Variants in PSTK observed in about 807,000 individuals in gnomAD.
PSTK encodes L-seryl-tRNA(Sec) kinase.
Under a neutral mutation model 38.6 loss-of-function variants are expected in PSTK, and 26 were observed. The observed-to-expected ratio is 0.67, with a 90% CI of 0.49 to 0.94. The LOEUF is 0.94. Ranked by LOEUF, PSTK falls within the 40% of genes least tolerant of loss-of-function variation. The pLI, the probability that PSTK is intolerant of heterozygous loss-of-function variation, is 0.00. For synonymous variants in PSTK, 181 were observed against 161.7 expected, an observed-to-expected ratio of 1.12 and a Z score of -0.91; for missense variants, 445 against 436.3, an observed-to-expected ratio of 1.02 and a Z score of -0.18.
Position 122,983,487 on chromosome 10 carries a change from TC to T in PSTK, c.707+20del. 6.2e-7 allele frequency: 1 copy of T among 1,609,408 alleles called. No individual in the cohort carries two copies. On this transcript the variant is annotated intron_variant, in intron 3 of 5. Transcript: ENST00000406217. ...GGAGGCCAGGTATTCCACTCAATCA[TC>T]CCTCCCTGGATGCTCCCCTGTGCCA... is the stretch of plus-strand genomic sequence containing the variant.
At chr10:122,981,246 T>C (rs928529761) in intron 1 of PSTK, among the ~76,000 whole-genome samples, 3 of 152,248 alleles carry the variant, frequency 2.0e-5, no homozygotes, top group African/African-American at 7.2e-5. Context: ...ATCAGACCTA[T>C]GAAGCTTAAT....
intron 4 of PSTK, 97 bp from the exon 5 acceptor site, chr10:122,986,772 T>G: frequency 2.6e-6 from 2 of 774,272 alleles, no homozygotes; most frequent in Non-Finnish European, 4.2e-6. Flanking sequence ...CCGCTTAAAC[T>G]TTTCTTTTAG....
rs74159933 is a variant in PSTK, at chr10:122,982,410, G to A, written c.217-323G>A. 686 of 254,734 alleles carry A rather than the reference G, an allele frequency of 2.7e-3. 3 individuals are homozygous for A. The highest frequency in any genetic ancestry group is 0.014 in the African/African-American group (623 of 45,472). The allele number at this position is 254,734 out of a possible 1,614,324, so 15.8% of individuals were successfully genotyped here. A position where few individuals can be genotyped will look rare whatever the true frequency, so the allele number is the denominator to read the frequency against. ...GGACAGTGATCTAGCAGAGAGAGAA[G>A]TGTAAACAAATGCTTAAACTGTGTA... On this transcript the variant is annotated intron_variant, in intron 1 of 5. Transcript: ENST00000406217.
chr10:122,986,320 T>A lies in PSTK; in HGVS notation c.728T>A (p.Leu243Ter). ...SEASLEVTDL[L>*]LTALENPVKY... ...TGTAGCCTGGAAGTGACTGATTTAT[T>A]GCTCACTGCTTTGGAAAATCCAGTA... Residue 243 changes from leucine (L) to a stop codon, truncating the protein, a stop_gained, in exon 4 of 6, where the codon TTG (leucine) becomes TAG (stop). Coordinates refer to ENST00000406217, the MANE Select transcript of PSTK (RefSeq NM_001363531.2). LOFTEE classifies it high-confidence loss of function. 1.2e-6 allele frequency: 2 copies of A among 1,610,190 alleles called. No homozygotes were observed. Among genetic ancestry groups the A allele is most frequent in the Non-Finnish European group, 1.7e-6 (2 of 1,177,386 alleles).
chr10:122,984,420 C>G (rs895949428), intron 3 of PSTK: 2 of 152,226 alleles, frequency 1.3e-5, no homozygotes, highest in African/African-American at 4.8e-5. Context: ...CATGAGCTAT[C>G]ACCCCCGGCT....
rs11248355 is a variant in PSTK at position 122,987,730 on chromosome 10, C to T, written c.877+768C>T. On this transcript the variant is annotated intron_variant, in intron 5 of 5. Transcript: ENST00000406217. Reference sequence around the variant, plus strand: ...TTTGAGCACCTTTCTATACGTTAAGCGCTTTACAAATACTGTTTCTAATCT... The same window carrying T: ...TTTGAGCACCTTTCTATACGTTAAGTGCTTTACAAATACTGTTTCTAATCT... Among the ~76,000 whole-genome samples, 83 of 152,256 alleles carry T rather than the reference C, an allele frequency of 5.5e-4. 1 individual carries two copies. The East Asian group carries it at 0.011, about 21-fold the overall frequency.
At chr10:122,987,250 A>T in intron 5 of PSTK, 1 of 1,497,262 alleles carries the variant, frequency 6.7e-7, no homozygotes, top group Non-Finnish European at 9.0e-7. Context: ...ACAAAACATG[A>T]TTACATGAGT....
At chr10:122,983,545 TTTAG>T in intron 3 of PSTK, 75 bp downstream of exon 3, 5 of 1,320,766 alleles carry the variant, frequency 3.8e-6, no homozygotes, top group Non-Finnish European at 5.3e-6. Flanking sequence ...TCTATGTTGG[TTTAG>T]TTAGTCCTCA....
In PSTK at chr10:122,980,674, CG is replaced by C; in HGVS notation, c.199del (p.Ala67GlnfsTer18). The C allele has an allele frequency of 6.9e-7, 1 of 1,457,828 alleles. No homozygotes were observed. The allele number at this position is 1,457,828 out of a possible 1,614,324, so 90.3% of individuals were successfully genotyped here. ...ACGTCATGCCCGACGCGTTTCTCGC[CG>C]GGGCAAGAGCGCGACCGGCGGTCAG... ...DDVMPDAFLA[G>X]ARARPAPSQW... On this transcript the variant is annotated frameshift_variant, in exon 1 of 6. Coordinates refer to ENST00000406217, the MANE Select transcript of PSTK (RefSeq NM_001363531.2). LOFTEE classifies it high-confidence loss of function. This position sits in a 1 kb window ranked among gnomAD's most constrained non-coding sequence, Gnocchi z 4.3.
intron 3 of PSTK, 44 bp from the exon 4 acceptor site, chr10:122,986,256 T>G (rs757505297): frequency 2.5e-6 from 3 of 1,224,448 alleles, no homozygotes; most frequent in Non-Finnish European, 3.4e-6. Context: ...AAGTCAGATG[T>G]TGGATATAAG....
At chr10:122,987,066 A>G in intron 5 of PSTK, 104 bp downstream of exon 5, 1 of 912,232 alleles carries the variant, frequency 1.1e-6, no homozygotes, top group East Asian at 2.6e-5. Flanking sequence ...ATAAAAGTTC[A>G]CATCATGTTT....
chr10:122,980,574 C>T lies in PSTK; in HGVS notation c.95C>T (p.Ser32Leu), dbSNP rs748170868. The change falls in exon 1 of 6, where the codon TCG becomes TTG. Residue 32 changes from serine (S) to leucine (L), a missense_variant. Coordinates refer to ENST00000406217, the MANE Select transcript of PSTK (RefSeq NM_001363531.2). This position sits in a 1 kb window ranked among gnomAD's most constrained non-coding sequence, Gnocchi z 4.3. ...VLCGLPAAGK[S>L]TFARALAHRL... ...TGTGGCCTCCCCGCGGCAGGAAAAT[C>T]GACTTTCGCGCGCGCCCTCGCCCAC... 3.7e-6 allele frequency: 6 copies of T among 1,612,004 alleles called. No individual in the cohort carries two copies. In the South Asian group the frequency reaches 6.6e-5, roughly 18 times the overall value.
In PSTK at chr10:122,983,419, G is replaced by T; in HGVS notation, c.656G>T (p.Trp219Leu). The T allele has an allele frequency of 6.2e-7, 1 of 1,614,052 alleles. No individual in the cohort carries two copies. The change falls in exon 3 of 6, where the codon TGG (tryptophan) becomes TTG (leucine). Residue 219 changes from tryptophan to leucine, a missense_variant. Physicochemically the swap from Trp to Leu is moderately conservative, Grantham distance 61 (BLOSUM62 -2). Transcript: ENST00000406217. ...AAGCCCAACCCTGAGAAAAATGCTTGGGAACACAACAGCCTCACAATTCCG... is the reference window on the plus strand; with the variant it reads ...AAGCCCAACCCTGAGAAAAATGCTTTGGAACACAACAGCCTCACAATTCCG... ...LEKPNPEKNA[W>L]EHNSLTIPSP...
At chr10:122,981,123 G>A (rs1433108341) in intron 1 of PSTK, among the ~76,000 whole-genome samples, 1 of 152,126 alleles carries the variant, frequency 6.6e-6, no homozygotes, top group African/African-American at 2.4e-5. Flanking sequence ...AGCTACGGGT[G>A]GATTCAGGTT....
chr10:122,990,131 CTTTAA>C lies in PSTK; in HGVS notation c.878-38_878-34del, dbSNP rs1234778529. 2.9e-6 allele frequency: 4 copies of C among 1,356,948 alleles called. No homozygotes were observed. In the Admixed American group the frequency reaches 1.2e-4, roughly 40 times the overall value. The allele number at this position is 1,356,948 out of a possible 1,614,324, so 84.1% of individuals were successfully genotyped here. Reference sequence around the variant, plus strand: ...TAATGTCATTAGACACCCCGGATTACTTTAATTTACACCAGTAATTTGAGAATATC... The same window carrying C: ...TAATGTCATTAGACACCCCGGATTACTTTACACCAGTAATTTGAGAATATC... On this transcript the variant is annotated intron_variant, in intron 5 of 5. Transcript: ENST00000406217.
intron 5 of PSTK, 47 bp downstream of exon 5, chr10:122,987,009 T>C (rs1409844491): frequency 5.9e-6 from 7 of 1,184,084 alleles, no homozygotes; most frequent in Admixed American, 5.2e-5. Flanking sequence ...TGTGACTTTC[T>C]ACTGCTACTG....
chr10:122,980,617 G>C lies in PSTK; in HGVS notation c.138G>C (p.Gln46His), dbSNP rs750920880. 9.3e-6 allele frequency: 15 copies of C among 1,612,124 alleles called. No individual in the cohort carries two copies. The African/African-American group carries it at 1.1e-4, about 11-fold the overall frequency. The change falls in exon 1 of 6, where the codon CAG becomes CAC. Residue 46 changes from glutamine (Q) to histidine (H), a missense_variant. Gln to His is a conservative substitution (Grantham distance 24). Transcript: ENST00000406217. This position sits in a 1 kb window ranked among gnomAD's most constrained non-coding sequence, Gnocchi z 4.3. ...TCGCCCACCGGCTGCAGCAGGAGCAGGGTTGGGCCATCGGTGTTGTCGCGT... is the reference window on the plus strand; with the variant it reads ...TCGCCCACCGGCTGCAGCAGGAGCACGGTTGGGCCATCGGTGTTGTCGCGT... ...RALAHRLQQE[Q>H]GWAIGVVAYD...
At chr10:122,987,011 C>T (rs1163634080) in intron 5 of PSTK, 49 bp downstream of exon 5, 1 of 1,179,946 alleles carries the variant, frequency 8.5e-7, no homozygotes, top group Admixed American at 1.7e-5. Context: ...TGACTTTCTA[C>T]TGCTACTGTT....
At position 122,982,750 on chromosome 10, in the gene PSTK, G is replaced by A; in HGVS notation, c.234G>A (p.Leu78=). The A allele has an allele frequency of 1.2e-6, 2 of 1,614,110 alleles. No individual in the cohort carries two copies. Among genetic ancestry groups the A allele is most frequent in the African/African-American group, 1.3e-5 (1 of 75,050 alleles). ...TCTTGTAGCCATCCCAATGGAAATT[G>A]CTTCGACAGGAACTGTTGAAGTACC... ...RARPAPSQWK[L]LRQELLKYLE... Residue 78 remains leucine, a synonymous_variant, in exon 2 of 6, where the codon TTG becomes TTA. Coordinates refer to ENST00000406217, the MANE Select transcript of PSTK (RefSeq NM_001363531.2).
Sources: allele counts gnomAD v4.1 joint callset (sites outside exome capture counted in the v4.1 genomes callset), GRCh38; gene constraint gnomAD v4.1.1; non-coding constraint Gnocchi (gnomAD v3.1); transcripts MANE v1.5; gene names NCBI Gene and HGNC (gene_info 2026-07-23, HGNC 2026-07-21).